Variants in IL13RA1 observed in about 807,000 individuals in gnomAD.
IL13RA1 encodes the protein interleukin 13 receptor subunit alpha 1.
Under a neutral mutation model 33.8 loss-of-function variants are expected in IL13RA1, and 14 were observed. That is an observed-to-expected ratio of 0.41 (90% confidence interval 0.27 to 0.65). The LOEUF (loss-of-function observed/expected upper bound fraction) is 0.65, where lower values mean the gene tolerates loss of function less well. Ranked by LOEUF, IL13RA1 falls within the 30% of genes least tolerant of loss-of-function variation. IL13RA1 has a pLI of 0.28. For synonymous variants in IL13RA1, 116 were observed against 115.7 expected (o/e 1.00, Z -0.02); for missense variants, 313 against 327.0 (o/e 0.96, Z 0.33).
At chrX:118,799,976 G>C in the IL13RA1 span, among the ~76,000 whole-genome samples, 2 of 87,733 alleles carry the variant, frequency 2.3e-5, no homozygotes, top group East Asian at 3.7e-4. Flanking sequence ...GTATCTAGCT[G>C]AAGGTTTGTA....
At chrX:118,736,489 TGTGTGTTG>T (rs1379514882) in intron 1 of IL13RA1, among the ~76,000 whole-genome samples, 1 of 112,221 alleles carries the variant, frequency 8.9e-6, no homozygotes. Context: ...GTAGGCTGTC[TGTGTGTTG>T]AGCATCAACC....
In IL13RA1 at chrX:118,748,798, A is replaced by G. The variant is rs762950561; in HGVS notation, c.368-860A>G. The stretch of plus-strand genomic sequence containing the variant: ...TACCTTAACTAAAATGGCTTTATAA[A>G]GATAGAGATTTTAGGTCAGAAAGAT... On this transcript the variant is annotated intron_variant, in intron 3 of 10. Transcript: ENST00000371666. Among the ~76,000 whole-genome samples the G allele has an allele frequency of 6.3e-5, 7 of 111,959 alleles. No individual in the cohort carries two copies. In the East Asian group the frequency reaches 2.0e-3, roughly 31 times the overall value.
intron 10 of IL13RA1, among the ~76,000 whole-genome samples, chrX:118,779,206 T>G (rs757649164): frequency 9.0e-6 from 1 of 111,701 alleles, no homozygotes; most frequent in African/African-American, 3.3e-5. Flanking sequence ...AGATATCCTT[T>G]CTGGAGGGCA....
chrX:118,799,071 C>A (rs1287185121), downstream of IL13RA1, among the ~76,000 whole-genome samples: 1 of 113,029 alleles, frequency 8.8e-6, no homozygotes, highest in Non-Finnish European at 1.9e-5. Context: ...GCCCTGCTGG[C>A]CCCGGGCAAT....
chrX:118,740,990 A>T lies in IL13RA1; in HGVS notation c.89-27A>T, dbSNP rs375262048. ...CATTAAAAATACTGTTGATAAATTC[A>T]TTTTTTTTTGTCCTTGATTTGAACA... On this transcript the variant is annotated intron_variant, in intron 1 of 10. Transcript: ENST00000371666. 1.6e-5 allele frequency: 16 copies of T among 1,018,055 alleles called. No homozygotes were observed. In the African/African-American group the frequency reaches 1.9e-4, roughly 12 times the overall value. The allele number at this position is 1,018,055 out of a possible 1,213,427, so 83.9% of individuals were successfully genotyped here.
the IL13RA1 span, among the ~76,000 whole-genome samples, chrX:118,803,066 T>G: frequency 8.9e-6 from 1 of 112,532 alleles, no homozygotes; most frequent in Non-Finnish European, 1.9e-5. Context: ...CTTAACTTCC[T>G]CTTTTCAGAC....
chrX:118,767,026 C>T, intron 8 of IL13RA1, 50 bp downstream of exon 8: 1 of 718,718 alleles, frequency 1.4e-6, no homozygotes, highest in Non-Finnish European at 2.1e-6. Context: ...TGTATAAAAA[C>T]TAAGCTGAAG....
chrX:118,784,324 G>A (rs3125162), intron 10 of IL13RA1, among the ~76,000 whole-genome samples: 16,869 of 105,986 alleles, frequency 0.16, 1,413 homozygotes, highest in East Asian at 0.41. Context: ...AATACCTTTA[G>A]TGATAAATGG....
intron 6 of IL13RA1, among the ~76,000 whole-genome samples, chrX:118,763,167 T>C (rs1330472780): frequency 1.8e-5 from 2 of 111,976 alleles, no homozygotes; most frequent in East Asian, 5.6e-4. Context: ...CCTGCACATG[T>C]ACCTCAGAAT....
At chrX:118,787,600 G>C (rs768441352) in intron 10 of IL13RA1, among the ~76,000 whole-genome samples, 1 of 111,364 alleles carries the variant, frequency 9.0e-6, no homozygotes, top group African/African-American at 3.3e-5. Context: ...AGGAGACTAG[G>C]GCGTGTTTCA....
chrX:118,798,488 A>G (rs149608022), downstream of IL13RA1, among the ~76,000 whole-genome samples: 47 of 111,660 alleles, frequency 4.2e-4, no homozygotes, highest in African/African-American at 1.5e-3. Context: ...GTAATCCATG[A>G]GTTTCATGAA....
intron 1 of IL13RA1, among the ~76,000 whole-genome samples, chrX:118,735,532 G>A (rs2017271956): frequency 9.0e-6 from 1 of 111,580 alleles, no homozygotes. Context: ...AATTTGGGAA[G>A]TTGTCATCCA....
In IL13RA1 at chrX:118,748,093, A is replaced by G. The variant is rs1035826109; in HGVS notation, c.367+1001A>G. Among the ~76,000 whole-genome samples the G allele has an allele frequency of 9.8e-5, 10 of 101,683 alleles. No homozygotes were observed. The South Asian group carries it at 3.7e-3, about 37-fold the overall frequency. The allele number at this position is 101,683 out of a possible 115,157, so 88.3% of individuals were successfully genotyped here. ...CATATATATACTATATATAATATATATTATATACATTATATGTAATATATA... is the reference window on the plus strand; with the variant it reads ...CATATATATACTATATATAATATATGTTATATACATTATATGTAATATATA... On this transcript the variant is annotated intron_variant, in intron 3 of 10. Coordinates refer to ENST00000371666, the MANE Select transcript of IL13RA1 (RefSeq NM_001560.3).
At chrX:118,767,776 A>G (rs1464400576) in intron 8 of IL13RA1, among the ~76,000 whole-genome samples, 1 of 111,524 alleles carries the variant, frequency 9.0e-6, no homozygotes, top group Non-Finnish European at 1.9e-5. Context: ...ACACGGCTTT[A>G]TAAGTGCAAT....
intron 10 of IL13RA1, among the ~76,000 whole-genome samples, chrX:118,785,020 CTTTTT>C (rs113880657): frequency 2.9e-5 from 3 of 104,565 alleles, no homozygotes. Context: ...AATTTTAGAT[CTTTTT>C]TTTTTTAATT....
intron 1 of IL13RA1, among the ~76,000 whole-genome samples, chrX:118,729,256 TG>T (rs1291871698): frequency 8.9e-6 from 1 of 112,051 alleles, no homozygotes; most frequent in Non-Finnish European, 1.9e-5. Context: ...AAACAACAGC[TG>T]GCCATCTAGA....
chrX:118,800,372 G>A, the IL13RA1 span, among the ~76,000 whole-genome samples: 2 of 110,722 alleles, frequency 1.8e-5, no homozygotes, highest in African/African-American at 6.6e-5. Context: ...TCACTGCGAA[G>A]ACCTGCGGCT....
At chrX:118,746,151 A>G (rs1279347243) in intron 2 of IL13RA1, among the ~76,000 whole-genome samples, 1 of 109,777 alleles carries the variant, frequency 9.1e-6, no homozygotes, top group African/African-American at 3.3e-5. Flanking sequence ...TTTTTGAGAC[A>G]GGGTCTCACT....
intron 3 of IL13RA1, 96 bp from the exon 4 acceptor site, chrX:118,749,562 C>T (rs2017447743): frequency 3.6e-6 from 3 of 838,072 alleles, no homozygotes; most frequent in Non-Finnish European, 5.3e-6. Flanking sequence ...GACAAAGCAG[C>T]ATGAAGCACT....
Sources: allele counts gnomAD v4.1 joint callset (sites outside exome capture counted in the v4.1 genomes callset), GRCh38; gene constraint gnomAD v4.1.1; transcripts MANE v1.5; gene names NCBI Gene and HGNC (gene_info 2026-07-23, HGNC 2026-07-21).